Variants in SYNE1 observed in about 807,000 individuals in gnomAD.
SYNE1 encodes the protein nesprin-1.
A neutral mutation model predicts 1,111.0 loss-of-function variants in SYNE1; 616 were observed. The ratio of observed to expected loss-of-function variants is 0.55; its 90% confidence interval spans 0.52 to 0.59. SYNE1 has a LOEUF of 0.59. Among genes scored for constraint, SYNE1 ranks in the 20% least tolerant of loss-of-function variants. The probability of loss-of-function intolerance (pLI) is 0.00; values close to 1 mark genes in which losing one functional copy is unlikely to be tolerated. For missense variants in SYNE1, 10,006 were observed against 10,417.0 expected, an observed-to-expected ratio of 0.96 and a Z score of 1.72; for synonymous variants, 3,855 against 3,825.8, an observed-to-expected ratio of 1.01 and a Z score of -0.28.
At chr6:152,284,547 C>T (rs559000765) in intron 95 of SYNE1, among the ~76,000 whole-genome samples, 11 of 151,248 alleles carry the variant, frequency 7.3e-5, no homozygotes, top group Non-Finnish European at 1.5e-4. Context: ...TAATCTTGAA[C>T]TCCTGGGCTC....
At chr6:152,585,318 A>C (rs1290014188) in intron 3 of SYNE1, among the ~76,000 whole-genome samples, 1 of 152,244 alleles carries the variant, frequency 6.6e-6, no homozygotes, top group Non-Finnish European at 1.5e-5. Context: ...ATGAGAACAG[A>C]CTAATATACT....
chr6:152,302,199 G>T (rs1026240816), intron 91 of SYNE1, 136 bp from the exon 92 acceptor site: 2 of 1,175,906 alleles, frequency 1.7e-6, no homozygotes, highest in Non-Finnish European at 2.5e-6. Flanking sequence ...TGTGTAGGCG[G>T]CGAGTCCTCC....
Position 152,381,215 on chromosome 6 carries a change from C to T in SYNE1, c.8800G>A (p.Glu2934Lys). 6.2e-7 allele frequency: 1 copy of T among 1,614,200 alleles called. No homozygotes were observed. Among genetic ancestry groups the T allele is most frequent in the African/African-American group, 1.3e-5 (1 of 75,050 alleles). ...CTCTGCGTTTGGAATACACTGTCTTCCCACTGCTTCCAGTCGGCACGCAGG... is the reference window on the plus strand; with the variant it reads ...CTCTGCGTTTGGAATACACTGTCTTTCCACTGCTTCCAGTCGGCACGCAGG... Reference protein sequence around the residue: ...QALRADWKQWEDSVFQTQSCL... With the variant: ...QALRADWKQWKDSVFQTQSCL... The change falls in exon 56 of 146, where the codon GAA (glutamate) becomes AAA (lysine). Residue 2934 changes from glutamate to lysine, a missense_variant. Glu to Lys is a moderately conservative substitution (Grantham distance 56). Around this residue, in one of 7 missense-constraint regions of SYNE1, gnomAD observed 4,955 missense variants for 5,017.2 expected, o/e 0.99. Transcript: ENST00000367255.
chr6:152,510,421 T>C lies in SYNE1; in HGVS notation c.403-50A>G, dbSNP rs375866369. On this transcript the variant is annotated intron_variant, in intron 7 of 145. Coordinates refer to ENST00000367255, the MANE Select transcript of SYNE1 (RefSeq NM_182961.4). Reference sequence around the variant, plus strand: ...AAAATATAAGCATTATCTTTGTTATTATTTCCTCAGATGTTTTACTTTTCC... The same window carrying C: ...AAAATATAAGCATTATCTTTGTTATCATTTCCTCAGATGTTTTACTTTTCC... 161 of 1,587,782 alleles carry C rather than the reference T, an allele frequency of 1.0e-4. 1 individual carries two copies. Among genetic ancestry groups the C allele is most frequent in the Non-Finnish European group, 1.3e-4 (149 of 1,164,076 alleles).
Position 152,236,179 on chromosome 6 carries a change from C to T in SYNE1, c.20324G>A (p.Cys6775Tyr). Residue 6775 changes from cysteine to tyrosine, a missense_variant, in exon 110 of 146, where the codon TGC becomes TAC. Cys to Tyr is a radical substitution (Grantham distance 194). Transcript: ENST00000367255. The part of the protein sequence containing the change: ...LESQLNQLGE[C>Y]WLSNTNKMSK... Reference sequence around the variant, plus strand: ...CATTTTATTGGTGTTACTTAGCCAGCACTCTCCAAGTTGATTTAGTTGGCT... The same window carrying T: ...CATTTTATTGGTGTTACTTAGCCAGTACTCTCCAAGTTGATTTAGTTGGCT... 1 of 1,614,204 alleles carries T rather than the reference C, an allele frequency of 6.2e-7. No individual in the cohort carries two copies. Among genetic ancestry groups the T allele is most frequent in the Non-Finnish European group, 8.5e-7 (1 of 1,180,034 alleles).
chr6:152,415,789 TAAAAAAAAAAAAA>T (rs1209590450), intron 41 of SYNE1, among the ~76,000 whole-genome samples: 5 of 73,022 alleles, frequency 6.8e-5, no homozygotes, highest in Admixed American at 1.8e-4. Context: ...TTCAAAGTGG[TAAAAAAAAAAAAA>T]AAAAAAAAAA....
At chr6:152,428,132 C>T (rs2098388308) in intron 37 of SYNE1, 73 bp downstream of exon 37, 3 of 1,581,792 alleles carry the variant, frequency 1.9e-6, no homozygotes, top group Non-Finnish European at 2.6e-6. Flanking sequence ...AACTACTCCC[C>T]ATCACTTTAA....
At chr6:152,368,566 T>C (rs1465949423) in intron 61 of SYNE1, 2 of 190,202 alleles carry the variant, frequency 1.1e-5, no homozygotes, top group Admixed American at 5.3e-5. Flanking sequence ...TTAGAATCCA[T>C]GTTTTTTCTA....
chr6:152,420,984 C>G (rs945157905), intron 39 of SYNE1, among the ~76,000 whole-genome samples: 9 of 152,176 alleles, frequency 5.9e-5, no homozygotes, highest in African/African-American at 2.2e-4. Flanking sequence ...TGTTTTGTCA[C>G]AGGACACAAT....
At chr6:152,162,345 C>T (rs2062689708) in intron 131 of SYNE1, among the ~76,000 whole-genome samples, 1 of 152,196 alleles carries the variant, frequency 6.6e-6, no homozygotes, top group African/African-American at 2.4e-5. Flanking sequence ...CTACCATTTT[C>T]TCTCCTGTTC....
At chr6:152,596,616 A>G (rs947139403) in intron 3 of SYNE1, among the ~76,000 whole-genome samples, 6 of 152,118 alleles carry the variant, frequency 3.9e-5, no homozygotes, top group African/African-American at 1.4e-4. Context: ...GCTTTCCACT[A>G]TGCATGGTGA....
chr6:152,389,324 C>G (rs2097572049), intron 53 of SYNE1, among the ~76,000 whole-genome samples: 2 of 152,134 alleles, frequency 1.3e-5, no homozygotes, highest in African/African-American at 4.8e-5. Context: ...TAGCATATGA[C>G]AGTTATTTTT....
At chr6:152,138,505 T>C (rs2057626465) in intron 140 of SYNE1, among the ~76,000 whole-genome samples, 1 of 145,242 alleles carries the variant, frequency 6.9e-6, no homozygotes, top group East Asian at 2.0e-4. Flanking sequence ...AGTGAGACTC[T>C]GTCTCAAAAA....
At chr6:152,396,125 A>T (rs771297782) in intron 50 of SYNE1, among the ~76,000 whole-genome samples, 6 of 152,210 alleles carry the variant, frequency 3.9e-5, no homozygotes, top group Non-Finnish European at 7.3e-5. Flanking sequence ...GGGGCCAGTG[A>T]ATAAGTAGGG....
In SYNE1 at chr6:152,310,976, C is replaced by T. The variant is rs1316649053; in HGVS notation, c.16711-103G>A. The T allele has an allele frequency of 8.2e-6, 10 of 1,222,124 alleles. 1 individual carries two copies. The highest frequency in any genetic ancestry group is 7.6e-5 in the East Asian group (3 of 39,698). The allele number at this position is 1,222,124 out of a possible 1,614,324, so 75.7% of individuals were successfully genotyped here. A position where few individuals can be genotyped will look rare whatever the true frequency, so the allele number is the denominator to read the frequency against. ...ATGCCCTGTGTAAGTTCTGTGTGTC[C>T]GTTATTGTGTTTAACCTTCACCCCC... On this transcript the variant is annotated intron_variant, in intron 87 of 145. Coordinates refer to ENST00000367255, the MANE Select transcript of SYNE1 (RefSeq NM_182961.4).
At position 152,236,864 on chromosome 6, in the gene SYNE1, C is replaced by T; in HGVS notation, c.20152G>A (p.Val6718Met). The T allele has an allele frequency of 6.2e-7, 1 of 1,614,198 alleles. No homozygotes were observed. The highest frequency in any genetic ancestry group is 1.1e-5 in the South Asian group (1 of 91,090). Reference protein sequence around the residue: ...VESSIPSVGLVEENEDRLIDR... With the variant: ...VESSIPSVGLMEENEDRLIDR... ...ATAAGCCTGTCCTCGTTCTCCTCCA[C>T]CAGACCCACGCTTGGGATGCTGCTT... Residue 6718 changes from valine to methionine, a missense_variant, in exon 109 of 146, where the codon GTG (valine) becomes ATG (methionine). Val to Met is a conservative substitution (Grantham distance 21, BLOSUM62 1). Around this residue, in one of 7 missense-constraint regions of SYNE1, gnomAD observed 2,182 missense variants for 2,287.8 expected, o/e 0.95. Coordinates refer to ENST00000367255, the MANE Select transcript of SYNE1 (RefSeq NM_182961.4).
intron 95 of SYNE1, among the ~76,000 whole-genome samples, chr6:152,292,191 G>A (rs2094637564): frequency 6.6e-6 from 1 of 152,176 alleles, no homozygotes; most frequent in Non-Finnish European, 1.5e-5. Flanking sequence ...AAAGGAGAGG[G>A]GTTTGGGAGA....
At chr6:152,456,773 A>C (rs1230001103) in intron 22 of SYNE1, 1 of 446,898 alleles carries the variant, frequency 2.2e-6, no homozygotes, top group Non-Finnish European at 4.5e-6. Flanking sequence ...TTTGGCTTGA[A>C]TTACACCATT....
chr6:152,635,061 T>C (rs1379370768), intron 2 of SYNE1, among the ~76,000 whole-genome samples: 1 of 152,244 alleles, frequency 6.6e-6, no homozygotes, highest in Non-Finnish European at 1.5e-5. Context: ...CAAGATGCTG[T>C]GTGTGCAGCA....
Sources: allele counts gnomAD v4.1 joint callset (sites outside exome capture counted in the v4.1 genomes callset), GRCh38; gene constraint gnomAD v4.1.1; regional missense constraint gnomAD v4.1.1; transcripts MANE v1.5; gene names NCBI Gene and HGNC (gene_info 2026-07-23, HGNC 2026-07-21).